The following RGS7 variants were observed in gnomAD, a reference collection of about 807,000 sequenced individuals.
RGS7 encodes regulator of G protein signaling 7, also known as regulator of G-protein signaling 7.
RGS7 carries 27 observed loss-of-function variants against 81.1 expected under a neutral mutation model. That is an observed-to-expected ratio of 0.33 (90% CI 0.25 to 0.46). The LOEUF (loss-of-function observed/expected upper bound fraction) is 0.46, where lower values mean the gene tolerates loss of function less well. Ranked by LOEUF, RGS7 falls within the 20% of genes least tolerant of loss-of-function variation. The pLI is 1.00. For missense variants in RGS7, 396 were observed against 607.4 expected (o/e 0.65, Z 3.66); for synonymous variants, 208 against 207.7 (o/e 1.00, Z -0.01).
intron 6 of RGS7, chr1:240,920,192 G>T: frequency 9.1e-7 from 1 of 1,100,254 alleles, no homozygotes; most frequent in Non-Finnish European, 1.4e-6. Flanking sequence ...GGAAAGCCCT[G>T]TCAAAGCAAG....
At chr1:240,848,983 T>G (rs1264727723) in intron 9 of RGS7, among the ~76,000 whole-genome samples, 2 of 152,148 alleles carry the variant, frequency 1.3e-5, no homozygotes, top group Admixed American at 1.3e-4. Context: ...ATGTGATATC[T>G]CCAACCCAGA....
rs1178606090 is a variant in RGS7, at chr1:241,356,972, G to C, written c.-124C>G. 2 of 152,182 alleles carry C rather than the reference G, an allele frequency of 1.3e-5. No individual in the cohort carries two copies. The highest frequency in any genetic ancestry group is 4.8e-5 in the African/African-American group (2 of 41,418). 9.4% of individuals were successfully genotyped at this position (152,182 alleles called of 1,614,324 possible). A position where few individuals can be genotyped will look rare whatever the true frequency, so the allele number is the denominator to read the frequency against. On this transcript the variant is annotated 5_prime_UTR_variant, in exon 1 of 19. Coordinates refer to ENST00000440928, the MANE Select transcript of RGS7 (RefSeq NM_001364886.1). ...CTGGGTGCAGGCGGTGTCAGCTGGC[G>C]GCAAGCGGAGCAGCGAGGCAGGGTA...
intron 3 of RGS7, among the ~76,000 whole-genome samples, chr1:241,097,836 A>G (rs2064389424): frequency 6.6e-6 from 1 of 152,128 alleles, no homozygotes; most frequent in African/African-American, 2.4e-5. Flanking sequence ...ATTTTGGATA[A>G]TGATTCTTTC....
chr1:241,064,417 C>G (rs1196333477), intron 3 of RGS7, among the ~76,000 whole-genome samples: 2 of 136,312 alleles, frequency 1.5e-5, no homozygotes, highest in African/African-American at 5.6e-5. Context: ...GAGACCCAGT[C>G]TCTACCAAAA....
At chr1:241,243,450 T>C (rs942410606) in intron 2 of RGS7, among the ~76,000 whole-genome samples, 20 of 152,170 alleles carry the variant, frequency 1.3e-4, no homozygotes, top group Non-Finnish European at 1.9e-4. Flanking sequence ...AGAGGATTTA[T>C]TGCAAGAATG....
At chr1:241,176,985 C>T (rs1238269369) in intron 2 of RGS7, among the ~76,000 whole-genome samples, 6 of 152,154 alleles carry the variant, frequency 3.9e-5, no homozygotes, top group Non-Finnish European at 7.3e-5. Context: ...CCTAAGGCCA[C>T]GCATGGAGCA....
intron 6 of RGS7, among the ~76,000 whole-genome samples, chr1:240,878,489 C>CTTTTTTTTTT (rs57896753): frequency 1.4e-4 from 17 of 117,564 alleles, no homozygotes; most frequent in South Asian, 2.7e-4. Flanking sequence ...TTTTTTCTTT[C>CTTTTTTTTTT]TTTTTTTTTT....
At chr1:241,061,588 A>G (rs2061739899) in intron 3 of RGS7, among the ~76,000 whole-genome samples, 1 of 152,190 alleles carries the variant, frequency 6.6e-6, no homozygotes, top group South Asian at 2.1e-4. Flanking sequence ...TAGATACATA[A>G]ATAGGGTGCT....
chr1:240,782,260 G>A (rs1001314600), intron 18 of RGS7, among the ~76,000 whole-genome samples: 2 of 152,102 alleles, frequency 1.3e-5, no homozygotes, highest in African/African-American at 2.4e-5. Flanking sequence ...AAAAGAACAC[G>A]ATCACTTCCA....
rs949741044 is a variant in RGS7 at position 241,127,568 on chromosome 1, G to A, written c.79-28806C>T. 1.1e-4 allele frequency among the ~76,000 whole-genome samples: 17 copies of A among 152,212 alleles called. No individual in the cohort carries two copies. In the East Asian group the frequency reaches 1.4e-3, roughly 12 times the overall value. On this transcript the variant is annotated intron_variant, in intron 2 of 18. Coordinates refer to ENST00000440928, the MANE Select transcript of RGS7 (RefSeq NM_001364886.1). The stretch of plus-strand genomic sequence containing the variant: ...GGCGTGGGGGGAGCGGGGAGGGATA[G>A]CGTTAGGAGATATACCTAATGCTAA...
rs905672687 is a variant in RGS7 at position 240,814,927 on chromosome 1, C to G, written c.784-150G>C. The G allele has an allele frequency of 4.1e-5, 27 of 664,564 alleles. 2 individuals are homozygous for G. The South Asian group carries it at 4.6e-4, about 11-fold the overall frequency. The allele number at this position is 664,564 out of a possible 1,614,324, so 41.2% of individuals were successfully genotyped here. ...TGGTTAAAAAAATAGAAGCAGAGGG[C>G]TCTTAAAGAGTTAACAAAATGAAAT... On this transcript the variant is annotated intron_variant, in intron 11 of 18. Transcript: ENST00000440928.
chr1:240,928,404 C>T (rs554046640), intron 6 of RGS7, among the ~76,000 whole-genome samples: 28 of 152,190 alleles, frequency 1.8e-4, no homozygotes, highest in African/African-American at 9.6e-5. Context: ...CATTTTGGGA[C>T]GATCTACTTT....
In RGS7 at chr1:241,295,175, G is replaced by A. The variant is rs187652604; in HGVS notation, c.78+60524C>T. Among the ~76,000 whole-genome samples the A allele has an allele frequency of 3.5e-3, 529 of 152,264 alleles. 2 individuals carry two copies. The highest frequency in any genetic ancestry group is 0.012 in the African/African-American group (499 of 41,542). On this transcript the variant is annotated intron_variant, in intron 2 of 18. Coordinates refer to ENST00000440928, the MANE Select transcript of RGS7 (RefSeq NM_001364886.1). ...AAAATAGATATGTTTGCGGCCGGGT[G>A]CGGTGGCTCACGCCTGTAATCCCAG...
At chr1:240,822,438 A>C (rs557152703) in intron 10 of RGS7, among the ~76,000 whole-genome samples, 31 of 152,224 alleles carry the variant, frequency 2.0e-4, no homozygotes, top group Non-Finnish European at 4.0e-4. Flanking sequence ...AAAGAAAATG[A>C]CTAAAACAAA....
intron 6 of RGS7, among the ~76,000 whole-genome samples, chr1:240,887,670 G>A (rs1476479490): frequency 2.6e-5 from 4 of 152,002 alleles, no homozygotes; most frequent in Admixed American, 2.6e-4. Flanking sequence ...AATTACATGT[G>A]TCTGTTGCAT....
rs750588223 is a variant in RGS7, at chr1:240,983,113, T to C, written c.192A>G (p.Gln64=). ...PSVFSGSDIV[Q]WLIKNLTIED... ...CTATAGTTAAGTTCTTTATCAACCA[T>C]TGAACAATGTCTGAACCTAGAAAAA... The change falls in exon 4 of 19, where the codon CAA becomes CAG. Residue 64 remains glutamine, a synonymous_variant. Transcript: ENST00000440928. 1.2e-5 allele frequency: 19 copies of C among 1,535,678 alleles called. No homozygotes were observed. The Admixed American group carries it at 2.5e-4, about 20-fold the overall frequency.
intron 2 of RGS7, among the ~76,000 whole-genome samples, chr1:241,162,013 G>A (rs1041104013): frequency 1.6e-4 from 24 of 152,108 alleles, no homozygotes; most frequent in Non-Finnish European, 3.5e-4. Context: ...CACCGTGCCC[G>A]GCCAACTGTT....
intron 9 of RGS7, among the ~76,000 whole-genome samples, chr1:240,839,508 C>G (rs1695262666): frequency 6.6e-6 from 1 of 152,072 alleles, no homozygotes; most frequent in South Asian, 2.1e-4. Context: ...GAAAACTTAT[C>G]AGTACATACA....
intron 3 of RGS7, among the ~76,000 whole-genome samples, chr1:241,032,981 TTGAC>T (rs750166634): frequency 6.6e-5 from 10 of 152,006 alleles, no homozygotes; most frequent in Non-Finnish European, 1.0e-4. Context: ...TTTTTTTCTC[TTGAC>T]TGACTGCTCT....
Sources: allele counts gnomAD v4.1 joint callset (sites outside exome capture counted in the v4.1 genomes callset), GRCh38; gene constraint gnomAD v4.1.1; transcripts MANE v1.5; gene names NCBI Gene and HGNC (gene_info 2026-07-23, HGNC 2026-07-21).